LAMA2: variants seen among roughly 807,000 people sequenced by gnomAD.
LAMA2 encodes laminin subunit alpha-2.
A neutral mutation model predicts 364.8 loss-of-function variants in LAMA2; 269 were observed. That is an observed-to-expected ratio of 0.74 (90% CI 0.67 to 0.82). LAMA2 has a LOEUF of 0.82. Among genes scored for constraint, LAMA2 ranks in the 40% least tolerant of loss-of-function variants. The pLI, the probability that LAMA2 is intolerant of heterozygous loss-of-function variation, is 0.00. For synonymous variants in LAMA2, 1,379 were observed against 1,370.6 expected (o/e 1.01, Z -0.14); for missense variants, 3,807 against 3,873.2 (o/e 0.98, Z 0.45).
chr6:128,991,115 A>G (rs1290395519), intron 1 of LAMA2, among the ~76,000 whole-genome samples: 1 of 152,132 alleles, frequency 6.6e-6, no homozygotes, highest in East Asian at 1.9e-4. Flanking sequence ...AGGGTATTGC[A>G]CAATCTGTCC....
intron 10 of LAMA2, among the ~76,000 whole-genome samples, chr6:129,186,288 T>C (rs1781226681): frequency 6.6e-6 from 1 of 151,632 alleles, no homozygotes; most frequent in African/African-American, 2.4e-5. Context: ...TAAAGGAAAA[T>C]AGAAATCTCA....
intron 12 of LAMA2, among the ~76,000 whole-genome samples, chr6:129,226,672 C>T (rs6569589): frequency 0.6 from 90,307 of 151,398 alleles, 30,655 homozygotes; most frequent in Non-Finnish European, 0.75. Context: ...CACTCTCTTC[C>T]GGCTTGTAGA....
At chr6:129,056,922 G>A (rs1311144054) in intron 2 of LAMA2, among the ~76,000 whole-genome samples, 1 of 151,342 alleles carries the variant, frequency 6.6e-6, no homozygotes, top group African/African-American at 2.4e-5. Context: ...TCATAGAGAT[G>A]GGGTTTCACT....
chr6:129,110,027 G>A (rs1280454258), intron 4 of LAMA2, among the ~76,000 whole-genome samples: 2 of 151,568 alleles, frequency 1.3e-5, no homozygotes, highest in Non-Finnish European at 2.9e-5. Context: ...AAAACAGTAT[G>A]GTTTCATGGA....
chr6:129,247,803 T>C (rs1785863592), intron 12 of LAMA2, among the ~76,000 whole-genome samples: 1 of 152,246 alleles, frequency 6.6e-6, no homozygotes, highest in African/African-American at 2.4e-5. Context: ...TTTACTATTA[T>C]CGCTATTATT....
intron 1 of LAMA2, among the ~76,000 whole-genome samples, chr6:128,917,197 A>G (rs145185458): frequency 2.0e-4 from 31 of 151,858 alleles, no homozygotes; most frequent in Non-Finnish European, 3.4e-4. Context: ...AAAACTAATT[A>G]CAGAATTAAT....
At chr6:128,944,269 T>C (rs1434898980) in intron 1 of LAMA2, among the ~76,000 whole-genome samples, 1 of 151,984 alleles carries the variant, frequency 6.6e-6, no homozygotes, top group Non-Finnish European at 1.5e-5. Flanking sequence ...TGGACTTGGG[T>C]TTAGATATTT....
chr6:129,052,397 C>G (rs569137373), intron 2 of LAMA2, among the ~76,000 whole-genome samples: 1 of 151,832 alleles, frequency 6.6e-6, no homozygotes, highest in Non-Finnish European at 1.5e-5. Flanking sequence ...ATATGCCCGC[C>G]TCGGCCTCCC....
chr6:129,088,464 G>A (rs1445042215), intron 3 of LAMA2, among the ~76,000 whole-genome samples: 5 of 146,798 alleles, frequency 3.4e-5, no homozygotes, highest in African/African-American at 1.3e-4. Context: ...TTCCCAGAAG[G>A]GGTGGCCGGT....
rs71714831 is a variant in LAMA2, at chr6:129,391,239, CTT to C, written c.5072-250_5072-249del. The stretch of plus-strand genomic sequence containing the variant: ...ACCTACTTCTTTATTTTAATTCTTT[CTT>C]TCTTTTGAGGTTAGAAACACCATGC... On this transcript the variant is annotated intron_variant, in intron 35 of 64. Transcript: ENST00000421865. 0.017 allele frequency among the ~76,000 whole-genome samples: 2,577 copies of C among 152,164 alleles called. 71 individuals are homozygous for C. Among genetic ancestry groups the C allele is most frequent in the African/African-American group, 0.059 (2,454 of 41,516 alleles).
chr6:128,961,853 G>T (rs1781541898), intron 1 of LAMA2, among the ~76,000 whole-genome samples: 1 of 151,934 alleles, frequency 6.6e-6, no homozygotes, highest in Non-Finnish European at 1.5e-5. Context: ...CAATGGGATA[G>T]TAACGAGGTT....
chr6:129,158,216 C>A, intron 8 of LAMA2: 1 of 1,613,846 alleles, frequency 6.2e-7, no homozygotes, highest in South Asian at 1.1e-5. Flanking sequence ...AGAGCTGAGT[C>A]CAGGAACCTG....
rs1319597034 is a variant in LAMA2 at position 129,053,361 on chromosome 6, G to A, written c.283+3273G>A. Among the ~76,000 whole-genome samples the A allele has an allele frequency of 6.3e-4, 96 of 152,120 alleles. 1 individual carries two copies. Among genetic ancestry groups the A allele is most frequent in the Non-Finnish European group, 1.9e-4 (13 of 68,038 alleles). On this transcript the variant is annotated intron_variant, in intron 2 of 64. Coordinates refer to ENST00000421865, the MANE Select transcript of LAMA2 (RefSeq NM_000426.4). ...ATTACAGACATGAGCCACTGCGCCC[G>A]GCCGACTCTGGTGAATTTCTCGGAT...
At chr6:129,461,072 C>G (rs1433068802) in intron 49 of LAMA2, among the ~76,000 whole-genome samples, 1 of 151,900 alleles carries the variant, frequency 6.6e-6, no homozygotes, top group African/African-American at 2.4e-5. Context: ...TAGAGGATTT[C>G]TCAGCATAAA....
chr6:129,282,168 C>T lies in LAMA2; in HGVS notation c.2537+2021C>T, dbSNP rs1336713983. Among the ~76,000 whole-genome samples, 3 of 152,294 alleles carry T rather than the reference C, an allele frequency of 2.0e-5. No homozygotes were observed. In the East Asian group the frequency reaches 5.8e-4, roughly 29 times the overall value. ...CCTGGAATAAAGAATTCTGTGATCACATGAGTTTGGGAAGCATCCATTTGC... is the reference window on the plus strand; with the variant it reads ...CCTGGAATAAAGAATTCTGTGATCATATGAGTTTGGGAAGCATCCATTTGC... On this transcript the variant is annotated intron_variant, in intron 18 of 64. Coordinates refer to ENST00000421865, the MANE Select transcript of LAMA2 (RefSeq NM_000426.4).
intron 12 of LAMA2, among the ~76,000 whole-genome samples, chr6:129,203,108 A>G (rs1388314640): frequency 6.6e-6 from 1 of 152,226 alleles, no homozygotes; most frequent in Non-Finnish European, 1.5e-5. Context: ...TTTTAAAAAG[A>G]AAGACTGGGT....
intron 1 of LAMA2, among the ~76,000 whole-genome samples, chr6:128,910,126 T>C (rs969358368): frequency 9.9e-5 from 15 of 152,096 alleles, no homozygotes; most frequent in East Asian, 1.9e-4. Context: ...TGGAGTTGCT[T>C]TTCTCGAGAA....
At chr6:129,288,674 A>G (rs1280798288) in intron 19 of LAMA2, among the ~76,000 whole-genome samples, 1 of 152,156 alleles carries the variant, frequency 6.6e-6, no homozygotes, top group Non-Finnish European at 1.5e-5. Context: ...CTAGGGCTTC[A>G]TCCATATTAG....
chr6:129,076,484 T>A (rs868121983), intron 3 of LAMA2, among the ~76,000 whole-genome samples: 17 of 139,232 alleles, frequency 1.2e-4, no homozygotes, highest in Non-Finnish European at 2.1e-4. Flanking sequence ...ATAATATATC[T>A]TATATATTAT....
Sources: gnomAD v4.1 joint callset for allele counts (sites outside exome capture counted in the v4.1 genomes callset) on GRCh38, gnomAD v4.1.1 for gene constraint, MANE v1.5 for transcripts, NCBI Gene and HGNC (gene_info 2026-07-23, HGNC 2026-07-21) for gene names.